The following TLX3 variants were observed in gnomAD, a reference collection of about 807,000 sequenced individuals.
The protein encoded by TLX3 is T cell leukemia homeobox 3, also known as T-cell leukemia homeobox protein 3.
TLX3 carries 11 observed loss-of-function variants against 19.6 expected under a neutral mutation model. The ratio of observed to expected loss-of-function variants is 0.56; its 90% CI spans 0.35 to 0.93. The LOEUF is 0.93. Among genes scored for constraint, TLX3 ranks in the 40% least tolerant of loss-of-function variants. TLX3 has a pLI of 0.01. For synonymous variants in TLX3, 221 were observed against 188.1 expected (o/e 1.17, Z -1.43); for missense variants, 375 against 418.6 (o/e 0.90, Z 0.91).
At position 171,311,568 on chromosome 5, in the gene TLX3, C is replaced by G. The variant is rs140182232; in HGVS notation, c.845C>G (p.Ser282Cys). Residue 282 changes from serine (S) to cysteine (C), a missense_variant, in exon 3 of 3, where the codon TCC becomes TGC. Physicochemically the swap from Ser to Cys is moderately radical, Grantham distance 112. Transcript: ENST00000296921. This position sits in a 1 kb window ranked among gnomAD's most constrained non-coding sequence, Gnocchi z 5.1. The stretch of plus-strand genomic sequence containing the variant: ...CTGCAGCCCTGGGAGGAGGATAGTT[C>G]CAAGGTTCCCGCTGTCACCTCCCTG... Reference protein sequence around the residue: ...QNLQPWEEDSSKVPAVTSLV With the variant: ...QNLQPWEEDSCKVPAVTSLV 188 of 1,612,074 alleles carry G rather than the reference C, an allele frequency of 1.2e-4. No homozygotes were observed. The highest frequency in any genetic ancestry group is 1.6e-4 in the Non-Finnish European group (183 of 1,179,338).
chr5:171,311,874 C>T lies in TLX3; in HGVS notation c.*275C>T, dbSNP rs1769230852. 3.3e-6 allele frequency: 1 copy of T among 300,104 alleles called. No homozygotes were observed. Among genetic ancestry groups the T allele is most frequent in the Non-Finnish European group, 6.1e-6 (1 of 163,444 alleles). 18.6% of individuals were successfully genotyped at this position (300,104 alleles called of 1,614,324 possible). On this transcript the variant is annotated 3_prime_UTR_variant, in exon 3 of 3. Transcript: ENST00000296921. This position sits in a 1 kb window ranked among gnomAD's most constrained non-coding sequence, Gnocchi z 5.1. ...GCCTTACGTTTCTCCGCCCCCCGCC[C>T]GCACCCCCCGGGCCGGGCGCCTGTA...
In TLX3 at chr5:171,312,051, C is replaced by G. The variant is rs1581211592; in HGVS notation, c.*452C>G. ...GGAAGTGCCAGGGGCCCGGGGCACC[C>G]TGCGTTTAGGCTGGGTCCACTCTTC... On this transcript the variant is annotated 3_prime_UTR_variant, in exon 3 of 3. Coordinates refer to ENST00000296921, the MANE Select transcript of TLX3 (RefSeq NM_021025.4). 1 of 190,964 alleles carries G rather than the reference C, an allele frequency of 5.2e-6. No individual in the cohort carries two copies. The highest frequency in any genetic ancestry group is 2.3e-5 in the African/African-American group (1 of 42,830). The allele number at this position is 190,964 out of a possible 1,614,324, so 11.8% of individuals were successfully genotyped here. A position where few individuals can be genotyped will look rare whatever the true frequency, so the allele number is the denominator to read the frequency against.
At position 171,310,794 on chromosome 5, in the gene TLX3, T is replaced by C. The variant is rs1769207770; in HGVS notation, c.665+401T>C. ...CCTCTCGCACTCTCCTTCTCCTCCT[T>C]CTTCCAGCCCGCCCTCTCGGATTTT... On this transcript the variant is annotated intron_variant, in intron 2 of 2. Coordinates refer to ENST00000296921, the MANE Select transcript of TLX3 (RefSeq NM_021025.4). Among the ~76,000 whole-genome samples the C allele has an allele frequency of 4.9e-5, 7 of 142,816 alleles. 1 individual carries two copies. The South Asian group carries it at 1.8e-3, about 36-fold the overall frequency. The allele number at this position is 142,816 out of a possible 152,430, so 93.7% of individuals were successfully genotyped here. A position where few individuals can be genotyped will look rare whatever the true frequency, so the allele number is the denominator to read the frequency against.
rs768416875 is a variant in TLX3 at position 171,311,605 on chromosome 5, C to T, written c.*6C>T. ...CTGTCACCTCCCTGGTGTGAGCCCA[C>T]CAGCGCGCACCGTCGCCACGGATCG... On this transcript the variant is annotated 3_prime_UTR_variant, in exon 3 of 3. Coordinates refer to ENST00000296921, the MANE Select transcript of TLX3 (RefSeq NM_021025.4). This position sits in a 1 kb window ranked among gnomAD's most constrained non-coding sequence, Gnocchi z 5.1. 6.3e-6 allele frequency: 10 copies of T among 1,595,134 alleles called. No homozygotes were observed. The Admixed American group carries it at 1.7e-4, about 27-fold the overall frequency.
At chr5:171,310,756 G>A (rs1399817375) in intron 2 of TLX3, among the ~76,000 whole-genome samples, 1 of 95,738 alleles carries the variant, frequency 1.0e-5, no homozygotes. Context: ...ACACACACGC[G>A]CACACACACG....
chr5:171,310,176 G>T lies in TLX3; in HGVS notation c.448G>T (p.Val150Leu). 6.4e-7 allele frequency: 1 copy of T among 1,551,328 alleles called. No individual in the cohort carries two copies. The highest frequency in any genetic ancestry group is 8.7e-7 in the Non-Finnish European group (1 of 1,147,428). Reference protein sequence around the residue: ...TAAAALTPFTVTRRIGHPYQN... With the variant: ...TAAAALTPFTLTRRIGHPYQN... ...GGCGGCCGCACTCACGCCCTTCACC[G>T]TGACCCGGCGCATCGGCCACCCCTA... is the stretch of plus-strand genomic sequence containing the variant. Residue 150 changes from valine (V) to leucine (L), a missense_variant, in exon 2 of 3, where the codon GTG becomes TTG. Around this residue, in one of 3 missense-constraint regions of TLX3, gnomAD observed 74 missense variants for 138.6 expected, o/e 0.53. Transcript: ENST00000296921.
At position 171,311,462 on chromosome 5, in the gene TLX3, G is replaced by T. The variant is rs554835251; in HGVS notation, c.739G>T (p.Ala247Ser). The T allele has an allele frequency of 2.9e-5, 47 of 1,602,772 alleles. No individual in the cohort carries two copies. The highest frequency in any genetic ancestry group is 3.9e-5 in the Non-Finnish European group (46 of 1,175,126). ...GCTCATGCTGCAGCTGCAACACGAC[G>T]CCTTCCAAAAGAGCCTCAACGACTC... ...SRLMLQLQHDAFQKSLNDSIQ... is the reference protein window; with the variant it reads ...SRLMLQLQHDSFQKSLNDSIQ... Residue 247 changes from alanine to serine, a missense_variant, in exon 3 of 3, where the codon GCC becomes TCC. Around this residue, in one of 3 missense-constraint regions of TLX3, gnomAD observed 62 missense variants for 63.1 expected, o/e 0.98. Transcript: ENST00000296921. This position sits in a 1 kb window ranked among gnomAD's most constrained non-coding sequence, Gnocchi z 5.1.
rs530755767 is a variant in TLX3 at position 171,311,869 on chromosome 5, C to G, written c.*270C>G. The stretch of plus-strand genomic sequence containing the variant: ...AAAGCGCCTTACGTTTCTCCGCCCC[C>G]CGCCCGCACCCCCCGGGCCGGGCGC... On this transcript the variant is annotated 3_prime_UTR_variant, in exon 3 of 3. Coordinates refer to ENST00000296921, the MANE Select transcript of TLX3 (RefSeq NM_021025.4). The surrounding 1 kb of genome is among the most constrained non-coding windows in gnomAD (Gnocchi z 5.1). 488 of 300,590 alleles carry G rather than the reference C, an allele frequency of 1.6e-3. 1 individual carries two copies. The highest frequency in any genetic ancestry group is 7.4e-3 in the African/African-American group (338 of 45,794). The allele number at this position is 300,590 out of a possible 1,614,324, so 18.6% of individuals were successfully genotyped here.
At chr5:171,310,444 G>T (rs1210501080) in intron 2 of TLX3, 51 bp downstream of exon 2, 2 of 1,589,746 alleles carry the variant, frequency 1.3e-6, no homozygotes, top group South Asian at 1.1e-5. Flanking sequence ...CACCTGTCCC[G>T]CCCCGAGCCG....
rs771597150 is a variant in TLX3 at position 171,309,352 on chromosome 5, T to G, written c.-14T>G. ...TCCCCGCCCAGCCCAGCCCAGCCCT[T>G]CCGCCCGCCCAGGATGGAGGCGCCC... is the stretch of plus-strand genomic sequence containing the variant. On this transcript the variant is annotated 5_prime_UTR_variant, in exon 1 of 3. Transcript: ENST00000296921. 122 of 1,044,304 alleles carry G rather than the reference T, an allele frequency of 1.2e-4. No individual in the cohort carries two copies. Among genetic ancestry groups the G allele is most frequent in the Non-Finnish European group, 1.4e-4 (108 of 746,246 alleles). The allele number at this position is 1,044,304 out of a possible 1,614,324, so 64.7% of individuals were successfully genotyped here. A position where few individuals can be genotyped will look rare whatever the true frequency, so the allele number is the denominator to read the frequency against.
rs776887194 is a variant in TLX3, at chr5:171,309,526, C to T, written c.161C>T (p.Ala54Val). ...LGGPPGGRPG[A>V]TYPSLPASFA... ...GGGCCCCCCGGGGGCCGTCCGGGCGCCACATACCCGTCTCTGCCCGCCTCC... is the reference window on the plus strand; with the variant it reads ...GGGCCCCCCGGGGGCCGTCCGGGCGTCACATACCCGTCTCTGCCCGCCTCC... Residue 54 changes from alanine to valine, a missense_variant, in exon 1 of 3, where the codon GCC becomes GTC. Around this residue, in one of 3 missense-constraint regions of TLX3, gnomAD observed 239 missense variants for 217.0 expected, o/e 1.10. Coordinates refer to ENST00000296921, the MANE Select transcript of TLX3 (RefSeq NM_021025.4). 3.8e-6 allele frequency: 6 copies of T among 1,570,406 alleles called. No individual in the cohort carries two copies. The highest frequency in any genetic ancestry group is 2.7e-5 in the African/African-American group (2 of 73,014).
chr5:171,309,670 C>A lies in TLX3; in HGVS notation c.305C>A (p.Pro102Gln). Reference sequence around the variant, plus strand: ...AGGCCGCTGCCCGGGGCCGTGCCACCGCCTCTGCCAAGCGCGCTACCCGCC... The same window carrying A: ...AGGCCGCTGCCCGGGGCCGTGCCACAGCCTCTGCCAAGCGCGCTACCCGCC... ...AHRPLPGAVP[P>Q]PLPSALPAMP... Residue 102 changes from proline (P) to glutamine (Q), a missense_variant, in exon 1 of 3, where the codon CCG becomes CAG. Pro to Gln is a moderately conservative substitution (Grantham distance 76). Transcript: ENST00000296921. 1 of 1,608,928 alleles carries A rather than the reference C, an allele frequency of 6.2e-7. No individual in the cohort carries two copies.
intron 1 of TLX3, 143 bp downstream of exon 1, chr5:171,309,929 G>A: frequency 7.6e-7 from 1 of 1,311,618 alleles, no homozygotes; most frequent in Non-Finnish European, 1.0e-6. Flanking sequence ...GGCAGCCGTG[G>A]TGGGGAGGGT....
rs781579462 is a variant in TLX3, at chr5:171,311,421, G to T, written c.698G>T (p.Arg233Leu). The T allele has an allele frequency of 2.6e-6, 4 of 1,564,690 alleles. No homozygotes were observed. In the East Asian group the frequency reaches 9.5e-5, roughly 37 times the overall value. The change falls in exon 3 of 3, where the codon CGG becomes CTG. Residue 233 changes from arginine (R) to leucine (L), a missense_variant. Arg to Leu is a moderately radical substitution (Grantham distance 102). Around this residue, in one of 3 missense-constraint regions of TLX3, gnomAD observed 74 missense variants for 138.6 expected, o/e 0.53. Transcript: ENST00000296921. The surrounding 1 kb of genome is among the most constrained non-coding windows in gnomAD (Gnocchi z 5.1). Reference protein sequence around the residue: ...RQTAEEREAERQQASRLMLQL... With the variant: ...RQTAEEREAELQQASRLMLQL... ...ACGGCGGAGGAGCGGGAGGCGGAGC[G>T]GCAGCAGGCGAGCCGGCTCATGCTG...
In TLX3 at chr5:171,311,155, G is replaced by C. The variant is rs1238676669; in HGVS notation, c.666-234G>C. 6.6e-6 allele frequency among the ~76,000 whole-genome samples: 1 copy of C among 152,194 alleles called. No individual in the cohort carries two copies. The highest frequency in any genetic ancestry group is 1.5e-5 in the Non-Finnish European group (1 of 68,024). On this transcript the variant is annotated intron_variant, in intron 2 of 2. Coordinates refer to ENST00000296921, the MANE Select transcript of TLX3 (RefSeq NM_021025.4). The surrounding 1 kb of genome is among the most constrained non-coding windows in gnomAD (Gnocchi z 5.1). Reference sequence around the variant, plus strand: ...GCCACAATACCCGGGCGTGCAGGTGGGCGGCGGGCAGAGTCCCCTCCTGGA... The same window carrying C: ...GCCACAATACCCGGGCGTGCAGGTGCGCGGCGGGCAGAGTCCCCTCCTGGA...
Position 171,309,251 on chromosome 5 carries a change from C to A in TLX3, c.-115C>A. 1 of 850,918 alleles carries A rather than the reference C, an allele frequency of 1.2e-6. No homozygotes were observed. Among genetic ancestry groups the A allele is most frequent in the Non-Finnish European group, 1.7e-6 (1 of 584,608 alleles). The allele number at this position is 850,918 out of a possible 1,614,324, so 52.7% of individuals were successfully genotyped here. On this transcript the variant is annotated 5_prime_UTR_variant, in exon 1 of 3. Transcript: ENST00000296921. ...TGACACAGAGCCTGTCGGGCCCGCGCACTCTTGGCAAAGTTTCAGTGCGAC... is the reference window on the plus strand; with the variant it reads ...TGACACAGAGCCTGTCGGGCCCGCGAACTCTTGGCAAAGTTTCAGTGCGAC...
intron 2 of TLX3, 129 bp downstream of exon 2, chr5:171,310,522 A>AC (rs1206122885): frequency 3.3e-6 from 3 of 921,866 alleles, no homozygotes; most frequent in African/African-American, 5.9e-5. Context: ...CCCCAAACAC[A>AC]CCCCCACCCC....
In TLX3 at chr5:171,311,744, T is replaced by G. The variant is rs1769226922; in HGVS notation, c.*145T>G. 9.0e-6 allele frequency: 5 copies of G among 556,416 alleles called. No individual in the cohort carries two copies. Among genetic ancestry groups the G allele is most frequent in the Non-Finnish European group, 1.5e-5 (5 of 334,842 alleles). 34.5% of individuals were successfully genotyped at this position (556,416 alleles called of 1,614,324 possible). Reference sequence around the variant, plus strand: ...TAGGCCCCAGGGCGCGGCCACAGACTGGCGGGCCGCGGAAGGGGGTAGGGC... The same window carrying G: ...TAGGCCCCAGGGCGCGGCCACAGACGGGCGGGCCGCGGAAGGGGGTAGGGC... On this transcript the variant is annotated 3_prime_UTR_variant, in exon 3 of 3. Coordinates refer to ENST00000296921, the MANE Select transcript of TLX3 (RefSeq NM_021025.4). The surrounding 1 kb of genome is among the most constrained non-coding windows in gnomAD (Gnocchi z 5.1).
Position 171,312,055 on chromosome 5 carries a change from G to A in TLX3, c.*456G>A, listed in dbSNP as rs896252577. The A allele has an allele frequency of 5.3e-6, 1 of 190,004 alleles. No homozygotes were observed. Among genetic ancestry groups the A allele is most frequent in the Non-Finnish European group, 1.1e-5 (1 of 90,038 alleles). 11.8% of individuals were successfully genotyped at this position (190,004 alleles called of 1,614,324 possible). ...GTGCCAGGGGCCCGGGGCACCCTGC[G>A]TTTAGGCTGGGTCCACTCTTCTTCT... On this transcript the variant is annotated 3_prime_UTR_variant, in exon 3 of 3. Coordinates refer to ENST00000296921, the MANE Select transcript of TLX3 (RefSeq NM_021025.4).
Sources: allele counts gnomAD v4.1 joint callset (sites outside exome capture counted in the v4.1 genomes callset), GRCh38; gene constraint gnomAD v4.1.1; regional missense constraint gnomAD v4.1.1; non-coding constraint Gnocchi (gnomAD v3.1); transcripts MANE v1.5; gene names NCBI Gene and HGNC (gene_info 2026-07-23, HGNC 2026-07-21).